The following LSAMP variants were observed in gnomAD, a reference collection of about 807,000 sequenced individuals.
LSAMP encodes limbic system-associated membrane protein.
A neutral mutation model predicts 38.6 loss-of-function variants in LSAMP; 7 were observed. That is an observed-to-expected ratio of 0.18 (90% CI 0.10 to 0.34). LSAMP has a LOEUF of 0.34. Among genes scored for constraint, LSAMP ranks in the 10% least tolerant of loss-of-function variants. The pLI is 1.00. For synonymous variants in LSAMP, 154 were observed against 166.8 expected (o/e 0.92, Z 0.59); for missense variants, 313 against 420.0 (o/e 0.75, Z 2.23).
Position 115,997,753 on chromosome 3 carries a change from TAC to T in LSAMP, c.514+21760_514+21761del, listed in dbSNP as rs1189079190. ...ATATATATATATATATATATATATA[TAC>T]ACACACATACATACACACACATATA... is the stretch of plus-strand genomic sequence containing the variant. On this transcript the variant is annotated intron_variant, in intron 3 of 6. Transcript: ENST00000490035. Among the ~76,000 whole-genome samples the T allele has an allele frequency of 1.8e-3, 223 of 124,916 alleles. 2 individuals carry two copies. The highest frequency in any genetic ancestry group is 7.3e-3 in the Admixed American group (86 of 11,856). 81.9% of individuals were successfully genotyped at this position (124,916 alleles called of 152,430 possible). A position where few individuals can be genotyped will look rare whatever the true frequency, so the allele number is the denominator to read the frequency against.
At chr3:115,839,863 G>C (rs113902251) in intron 6 of LSAMP, among the ~76,000 whole-genome samples, 87 of 152,312 alleles carry the variant, frequency 5.7e-4, no homozygotes, top group African/African-American at 1.9e-3. Flanking sequence ...ATCATTCCCT[G>C]ATTCTCAGTA....
At chr3:115,841,666 G>C in intron 6 of LSAMP, 179 bp downstream of exon 6, 1 of 535,412 alleles carries the variant, frequency 1.9e-6, no homozygotes, top group South Asian at 4.1e-5. Flanking sequence ...GAGAGAAGTT[G>C]TTCCATTTAT....
chr3:116,154,307 GACTA>G (rs1311904833), intron 1 of LSAMP, among the ~76,000 whole-genome samples: 4 of 152,040 alleles, frequency 2.6e-5, no homozygotes, highest in African/African-American at 9.7e-5. Context: ...TATGTACCTT[GACTA>G]ACTTAGAAAA....
chr3:116,087,973 A>C (rs1483161235), intron 1 of LSAMP, among the ~76,000 whole-genome samples: 1 of 149,954 alleles, frequency 6.7e-6, no homozygotes, highest in Non-Finnish European at 1.5e-5. Flanking sequence ...AGCTCACTGC[A>C]GCCTCAAACT....
At chr3:116,078,724 G>A (rs968641331) in intron 2 of LSAMP, among the ~76,000 whole-genome samples, 13 of 152,036 alleles carry the variant, frequency 8.6e-5, no homozygotes, top group Admixed American at 6.6e-5. Context: ...TACTTGGCTC[G>A]TGAAAGTCTC....
At chr3:116,380,848 G>T (rs984685502) in intron 1 of LSAMP, among the ~76,000 whole-genome samples, 7 of 151,756 alleles carry the variant, frequency 4.6e-5, no homozygotes, top group African/African-American at 1.7e-4. Context: ...GCCTTGGTTT[G>T]GTTTACACTG....
At chr3:116,208,683 G>C (rs1329239776) in intron 1 of LSAMP, among the ~76,000 whole-genome samples, 3 of 152,184 alleles carry the variant, frequency 2.0e-5, no homozygotes, top group African/African-American at 7.2e-5. Flanking sequence ...GTGTGCCCCT[G>C]CTGGGGGGTG....
Position 115,842,619 on chromosome 3 carries a change from G to T in LSAMP, c.650-41C>A, listed in dbSNP as rs1011829777. 6 of 1,607,288 alleles carry T rather than the reference G, an allele frequency of 3.7e-6. No individual in the cohort carries two copies. In the Admixed American group the frequency reaches 5.0e-5, roughly 13 times the overall value. ...GCACACAAGTTTACATGAGGGTCGGGGTGCTTAGAATTTCTATTCAGGAAG... is the reference window on the plus strand; with the variant it reads ...GCACACAAGTTTACATGAGGGTCGGTGTGCTTAGAATTTCTATTCAGGAAG... On this transcript the variant is annotated intron_variant, in intron 4 of 6. Transcript: ENST00000490035.
At chr3:116,406,285 C>T (rs895145718) in intron 1 of LSAMP, among the ~76,000 whole-genome samples, 2 of 152,040 alleles carry the variant, frequency 1.3e-5, no homozygotes, top group Non-Finnish European at 2.9e-5. Flanking sequence ...ATCCAAACAC[C>T]CAGCTCTTTC....
At chr3:116,013,244 T>C (rs558465019) in intron 3 of LSAMP, among the ~76,000 whole-genome samples, 1 of 152,316 alleles carries the variant, frequency 6.6e-6, no homozygotes, top group East Asian at 1.9e-4. Context: ...GTTGTGCAGA[T>C]CTTCTCAATG....
intron 1 of LSAMP, among the ~76,000 whole-genome samples, chr3:116,194,598 G>A (rs567376701): frequency 2.0e-5 from 3 of 152,196 alleles, no homozygotes; most frequent in Middle Eastern, 6.8e-3. Context: ...GGGTTTCACC[G>A]TGTTAGCCAG....
chr3:116,234,350 TG>T lies in LSAMP; in HGVS notation c.156-147795del, dbSNP rs897426506. 4.5e-4 allele frequency among the ~76,000 whole-genome samples: 68 copies of T among 152,286 alleles called. 1 individual carries two copies. The highest frequency in any genetic ancestry group is 1.5e-3 in the African/African-American group (62 of 41,562). On this transcript the variant is annotated intron_variant, in intron 1 of 6. Coordinates refer to ENST00000490035, the MANE Select transcript of LSAMP (RefSeq NM_002338.5). ...GGGAATAATTCATGAAATGACCAAA[TG>T]CTGCCTGATTGATAAGAAGGTAGAA... is the stretch of plus-strand genomic sequence containing the variant.
intron 1 of LSAMP, among the ~76,000 whole-genome samples, chr3:116,267,038 T>C (rs1456861114): frequency 6.6e-6 from 1 of 152,154 alleles, no homozygotes; most frequent in Non-Finnish European, 1.5e-5. Context: ...ATAAGATCAA[T>C]GCAGGTATTT....
chr3:116,061,129 T>G (rs953213950), intron 2 of LSAMP, among the ~76,000 whole-genome samples: 1 of 152,026 alleles, frequency 6.6e-6, no homozygotes, highest in Non-Finnish European at 1.5e-5. Flanking sequence ...ACCTGTTCAA[T>G]TCTCACAATA....
intron 1 of LSAMP, among the ~76,000 whole-genome samples, chr3:116,118,213 G>A (rs72959771): frequency 0.069 from 10,471 of 152,180 alleles, 1,189 homozygotes; most frequent in African/African-American, 0.24. Flanking sequence ...ACAGGCATGG[G>A]AAGGGGACAG....
chr3:116,195,248 T>C (rs975166203), intron 1 of LSAMP, among the ~76,000 whole-genome samples: 2 of 152,248 alleles, frequency 1.3e-5, no homozygotes, highest in African/African-American at 2.4e-5. Context: ...AATTGGCTTT[T>C]CAAAATTTCA....
At chr3:115,967,532 C>A (rs1444030050) in intron 3 of LSAMP, among the ~76,000 whole-genome samples, 1 of 152,174 alleles carries the variant, frequency 6.6e-6, no homozygotes, top group Non-Finnish European at 1.5e-5. Context: ...TTCCATTTAT[C>A]TTTTCAGCAG....
intron 1 of LSAMP, among the ~76,000 whole-genome samples, chr3:116,284,497 A>G (rs1377670846): frequency 6.6e-6 from 1 of 152,200 alleles, no homozygotes; most frequent in Non-Finnish European, 1.5e-5. Context: ...AATTAACAAT[A>G]AATTTCATCA....
At chr3:116,321,965 T>C (rs1379840791) in intron 1 of LSAMP, among the ~76,000 whole-genome samples, 1 of 152,188 alleles carries the variant, frequency 6.6e-6, no homozygotes, top group Non-Finnish European at 1.5e-5. Flanking sequence ...ATAATAACAC[T>C]AGAAAATAAT....
Sources: allele counts gnomAD v4.1 joint callset (sites outside exome capture counted in the v4.1 genomes callset), GRCh38; gene constraint gnomAD v4.1.1; transcripts MANE v1.5; gene names NCBI Gene and HGNC (gene_info 2026-07-23, HGNC 2026-07-21).